The following CDH12 variants were observed in gnomAD, a reference collection of about 807,000 sequenced individuals.
The protein encoded by CDH12 is cadherin 12, also known as cadherin-12.
A neutral mutation model predicts 74.1 loss-of-function variants in CDH12; 41 were observed. The observed-to-expected ratio is 0.55, with a 90% CI of 0.43 to 0.72. CDH12 has a LOEUF of 0.72. CDH12 is among the 30% of genes least tolerant of loss of function. CDH12 has a pLI of 0.00. For missense variants in CDH12, 945 were observed against 977.2 expected (o/e 0.97, Z 0.44); for synonymous variants, 399 against 355.0 (o/e 1.12, Z -1.39).
chr5:22,847,498 C>T (rs1018275248), intron 1 of CDH12, among the ~76,000 whole-genome samples: 5 of 152,132 alleles, frequency 3.3e-5, no homozygotes, highest in African/African-American at 1.2e-4. Flanking sequence ...TCATTTAGTG[C>T]TGATGATAGC....
intron 3 of CDH12, among the ~76,000 whole-genome samples, chr5:22,245,460 T>G (rs969489325): frequency 6.6e-6 from 1 of 152,022 alleles, no homozygotes; most frequent in African/African-American, 2.4e-5. Flanking sequence ...CATTTAAAAA[T>G]ATAATCTTGG....
At chr5:22,333,670 G>C (rs1297465292) in intron 3 of CDH12, among the ~76,000 whole-genome samples, 1 of 151,988 alleles carries the variant, frequency 6.6e-6, no homozygotes, top group Admixed American at 6.6e-5. Context: ...ACTAGAAAAA[G>C]ACATTCAAGA....
At chr5:22,532,750 T>C (rs1230594527) in intron 1 of CDH12, among the ~76,000 whole-genome samples, 2 of 152,004 alleles carry the variant, frequency 1.3e-5, no homozygotes, top group East Asian at 1.9e-4. Context: ...CCCCAAAATG[T>C]TGGAATTAGT....
intron 8 of CDH12, among the ~76,000 whole-genome samples, chr5:21,834,712 C>T (rs960452656): frequency 4.0e-5 from 6 of 151,620 alleles, no homozygotes; most frequent in African/African-American, 7.3e-5. Flanking sequence ...CACCTGCTTT[C>T]GATTAAGGAA....
At chr5:22,596,519 T>C (rs1736616536) in intron 1 of CDH12, among the ~76,000 whole-genome samples, 1 of 152,182 alleles carries the variant, frequency 6.6e-6, no homozygotes, top group South Asian at 2.1e-4. Context: ...AGGATGTGAA[T>C]GAGCAAAATG....
chr5:22,405,159 G>A lies in CDH12; in HGVS notation c.-333+98C>T, dbSNP rs577382163. 3.4e-4 allele frequency: 68 copies of A among 201,302 alleles called. 1 individual carries two copies. Among genetic ancestry groups the A allele is most frequent in the Non-Finnish European group, 5.2e-4 (59 of 113,088 alleles). The allele number at this position is 201,302 out of a possible 1,614,324, so 12.5% of individuals were successfully genotyped here. A position where few individuals can be genotyped will look rare whatever the true frequency, so the allele number is the denominator to read the frequency against. On this transcript the variant is annotated intron_variant, in intron 3 of 14. Coordinates refer to ENST00000382254, the MANE Select transcript of CDH12 (RefSeq NM_004061.5). ...TAGGAGGTGGAGGCTGCAGTGAGCC[G>A]AGATGGTGCCACTTCACTCCAGTCT...
At chr5:22,472,942 C>T (rs972535378) in intron 2 of CDH12, among the ~76,000 whole-genome samples, 2 of 152,126 alleles carry the variant, frequency 1.3e-5, no homozygotes, top group African/African-American at 2.4e-5. Flanking sequence ...TTCCATTTTA[C>T]AAGGATCTGT....
intron 3 of CDH12, among the ~76,000 whole-genome samples, chr5:22,395,906 G>C (rs1036332837): frequency 4.6e-5 from 7 of 152,048 alleles, no homozygotes; most frequent in African/African-American, 1.4e-4. Flanking sequence ...AGTCAGTAAG[G>C]ATATGTGGTT....
chr5:22,577,968 C>G (rs1580782588), intron 1 of CDH12, among the ~76,000 whole-genome samples: 3 of 152,250 alleles, frequency 2.0e-5, no homozygotes, highest in South Asian at 4.1e-4. Flanking sequence ...TTCATATGTT[C>G]AGGCATCACC....
chr5:22,676,889 T>C (rs1741220279), intron 1 of CDH12, among the ~76,000 whole-genome samples: 1 of 152,292 alleles, frequency 6.6e-6, no homozygotes, highest in Non-Finnish European at 1.5e-5. Flanking sequence ...TAATTACAAA[T>C]AGTAGTATTT....
chr5:22,621,976 G>A (rs1169048712), intron 1 of CDH12, among the ~76,000 whole-genome samples: 1 of 152,000 alleles, frequency 6.6e-6, no homozygotes, highest in African/African-American at 2.4e-5. Flanking sequence ...AAGAAAAAGA[G>A]TGATTAATCC....
chr5:21,767,407 A>G (rs946348568), intron 11 of CDH12, among the ~76,000 whole-genome samples: 3 of 151,714 alleles, frequency 2.0e-5, no homozygotes, highest in Admixed American at 2.0e-4. Context: ...TTTCTAACCT[A>G]CAAAATAGAT....
chr5:22,269,497 G>C (rs1736287533), intron 3 of CDH12, among the ~76,000 whole-genome samples: 1 of 152,030 alleles, frequency 6.6e-6, no homozygotes, highest in Non-Finnish European at 1.5e-5. Context: ...TTCTATATAA[G>C]CATGTTGATT....
At chr5:22,076,752 A>G (rs1166328520) in intron 5 of CDH12, among the ~76,000 whole-genome samples, 3 of 152,164 alleles carry the variant, frequency 2.0e-5, no homozygotes, top group East Asian at 3.8e-4. Flanking sequence ...GGGGACTTCC[A>G]TATTTTGGAG....
intron 4 of CDH12, among the ~76,000 whole-genome samples, chr5:22,210,822 A>T (rs1251442489): frequency 6.7e-6 from 1 of 149,972 alleles, no homozygotes; most frequent in Non-Finnish European, 1.5e-5. Context: ...CTTTCTGTTT[A>T]TCAAGTTGCT....
Position 22,296,612 on chromosome 5 carries a change from A to G in CDH12, c.-332-83969T>C, listed in dbSNP as rs191656895. Among the ~76,000 whole-genome samples, 3 of 152,292 alleles carry G rather than the reference A, an allele frequency of 2.0e-5. No homozygotes were observed. In the East Asian group the frequency reaches 5.8e-4, roughly 29 times the overall value. Reference sequence around the variant, plus strand: ...CTAAATAGGAAATATTTCTAAACAAACAATTGAGTGGGTATTAATTTTTCT... The same window carrying G: ...CTAAATAGGAAATATTTCTAAACAAGCAATTGAGTGGGTATTAATTTTTCT... On this transcript the variant is annotated intron_variant, in intron 3 of 14. Coordinates refer to ENST00000382254, the MANE Select transcript of CDH12 (RefSeq NM_004061.5).
chr5:22,586,259 G>T (rs1239926557), intron 1 of CDH12, among the ~76,000 whole-genome samples: 1 of 151,968 alleles, frequency 6.6e-6, no homozygotes, highest in Admixed American at 6.6e-5. Context: ...AACACCGCAT[G>T]CTCTCACTCA....
chr5:22,424,193 A>C (rs531797907), intron 2 of CDH12, among the ~76,000 whole-genome samples: 1 of 152,124 alleles, frequency 6.6e-6, no homozygotes, highest in East Asian at 1.9e-4. Context: ...TTGTGTGCCT[A>C]CATCTTCTTA....
At chr5:22,632,464 A>G (rs1738636876) in intron 1 of CDH12, among the ~76,000 whole-genome samples, 1 of 152,212 alleles carries the variant, frequency 6.6e-6, no homozygotes, top group African/African-American at 2.4e-5. Flanking sequence ...CAATAAAGAG[A>G]TATGAATTAT....
Sources: gnomAD v4.1 joint callset for allele counts (sites outside exome capture counted in the v4.1 genomes callset) on GRCh38, gnomAD v4.1.1 for gene constraint, MANE v1.5 for transcripts, NCBI Gene and HGNC (gene_info 2026-07-23, HGNC 2026-07-21) for gene names.